MYL2: variants seen among roughly 807,000 people sequenced by gnomAD.
MYL2 encodes myosin light chain 2, also known as myosin regulatory light chain 2, ventricular/cardiac muscle isoform.
A neutral mutation model predicts 23.0 loss-of-function variants in MYL2; 19 were observed. That is an observed-to-expected ratio of 0.83 (90% confidence interval 0.58 to 1.21). The LOEUF (loss-of-function observed/expected upper bound fraction) is 1.21, where lower values mean the gene tolerates loss of function less well. Among genes scored for constraint, MYL2 ranks in the 50% most tolerant of loss-of-function variants. The pLI is 0.00. For missense variants in MYL2, 180 were observed against 215.1 expected (o/e 0.84, Z 1.02); for synonymous variants, 78 against 76.2 (o/e 1.02, Z -0.13).
intron 2 of MYL2, 105 bp from the exon 3 acceptor site, chr12:110,915,895 G>A: frequency 1.1e-6 from 1 of 892,814 alleles, no homozygotes; most frequent in Non-Finnish European, 1.9e-6. Context: ...GATCTTCAAA[G>A]ATCATTGTAG....
At position 110,918,706 on chromosome 12, in the gene MYL2, A is replaced by C. The variant is rs943867855; in HGVS notation, c.93+398T>G. 5.9e-6 allele frequency: 1 copy of C among 168,232 alleles called. No individual in the cohort carries two copies. The highest frequency in any genetic ancestry group is 2.4e-5 in the African/African-American group (1 of 41,700). 10.4% of individuals were successfully genotyped at this position (168,232 alleles called of 1,614,324 possible). A position where few individuals can be genotyped will look rare whatever the true frequency, so the allele number is the denominator to read the frequency against. ...ATGTTAATGGTGAATTTCTCAACGA[A>C]AAAAATGCAGGTGTAATCAGTGGGC... On this transcript the variant is annotated intron_variant, in intron 2 of 6. Transcript: ENST00000228841. The surrounding 1 kb of genome is among the most constrained non-coding windows in gnomAD (Gnocchi z 4.4).
At chr12:110,920,097 G>A (rs1325652136) in intron 1 of MYL2, among the ~76,000 whole-genome samples, 1 of 152,110 alleles carries the variant, frequency 6.6e-6, no homozygotes, top group East Asian at 1.9e-4. Context: ...ACTTCAGGAG[G>A]GGGACACCTA....
chr12:110,916,802 G>A (rs1194777902), intron 2 of MYL2, among the ~76,000 whole-genome samples: 2 of 152,070 alleles, frequency 1.3e-5, no homozygotes, highest in African/African-American at 4.8e-5. Context: ...CACTTCAAGG[G>A]TGAATTTTAT....
At chr12:110,911,888 ATAGC>A (rs1218520522) in intron 6 of MYL2, among the ~76,000 whole-genome samples, 10 of 152,238 alleles carry the variant, frequency 6.6e-5, no homozygotes, top group African/African-American at 2.4e-4. Context: ...CTGGCTATTC[ATAGC>A]TAGCACTTAT....
At chr12:110,917,741 G>A (rs2071696521) in intron 2 of MYL2, among the ~76,000 whole-genome samples, 1 of 152,088 alleles carries the variant, frequency 6.6e-6, no homozygotes, top group Non-Finnish European at 1.5e-5. Context: ...CAAAAGGTAC[G>A]ACTGTTCATT....
At chr12:110,912,285 C>T (rs971773042) in intron 6 of MYL2, among the ~76,000 whole-genome samples, 7 of 151,824 alleles carry the variant, frequency 4.6e-5, no homozygotes, top group Non-Finnish European at 1.0e-4. Flanking sequence ...CTCACTACCG[C>T]ACCACCTGAG....
Position 110,913,194 on chromosome 12 carries a change from G to A in MYL2, c.354-50C>T, listed in dbSNP as rs779323832. ...TGGTGTCAGTTGTGTGTGTGTAGGG[G>A]GGACAGGGGGCAAGCAGGGAACCCC... On this transcript the variant is annotated intron_variant, in intron 5 of 6. Transcript: ENST00000228841. 4 of 1,610,218 alleles carry A rather than the reference G, an allele frequency of 2.5e-6. No individual in the cohort carries two copies. In the South Asian group the frequency reaches 3.3e-5, roughly 13 times the overall value.
At chr12:110,911,232 G>T (rs1326556838) in intron 6 of MYL2, 57 bp from the exon 7 acceptor site, 2 of 766,256 alleles carry the variant, frequency 2.6e-6, no homozygotes, top group African/African-American at 1.8e-5. Context: ...GAGACGGAGG[G>T]TGGGGGGCTG....
upstream of MYL2, chr12:110,920,688 CA>C: frequency 9.9e-7 from 1 of 1,008,066 alleles, no homozygotes; most frequent in Non-Finnish European, 1.5e-6. Context: ...AAGGCCCCCC[CA>C]CCCCATGCCG....
intron 6 of MYL2, among the ~76,000 whole-genome samples, chr12:110,911,471 C>T (rs1323599911): frequency 1.3e-5 from 2 of 152,208 alleles, no homozygotes; most frequent in Admixed American, 1.3e-4. Flanking sequence ...GAATAAGCTC[C>T]CTCCCTGGGT....
At chr12:110,911,312 C>T (rs912498817) in intron 6 of MYL2, 137 bp from the exon 7 acceptor site, 10 of 674,696 alleles carry the variant, frequency 1.5e-5, no homozygotes, top group Non-Finnish European at 2.3e-5. Flanking sequence ...AGAGGGTCCT[C>T]CGGGGAAGGA....
At chr12:110,913,036 GCC>G in intron 6 of MYL2, 58 bp downstream of exon 6, 2 of 1,577,194 alleles carry the variant, frequency 1.3e-6, no homozygotes, top group Non-Finnish European at 1.7e-6. Context: ...GGGAGACGGA[GCC>G]CCCCAGAAGG....
upstream of MYL2, chr12:110,920,834 C>A: frequency 3.7e-6 from 2 of 537,220 alleles, no homozygotes; most frequent in Non-Finnish European, 6.7e-6. Flanking sequence ...GGTGCTTGGG[C>A]CGGGGACACT....
intron 3 of MYL2, 39 bp downstream of exon 3, chr12:110,915,676 T>C (rs773525799): frequency 2.5e-6 from 4 of 1,593,936 alleles, no homozygotes; most frequent in Admixed American, 1.7e-5. Context: ...GGATGTGAGA[T>C]AAAGAGACCC....
At chr12:110,920,441 T>G in intron 1 of MYL2, 86 bp downstream of exon 1, 1 of 1,590,990 alleles carries the variant, frequency 6.3e-7, no homozygotes, top group East Asian at 2.2e-5. Flanking sequence ...GCCGCCTTCC[T>G]CCCCCTCCGC....
In MYL2 at chr12:110,918,148, C is replaced by A. The variant is rs1331764609; in HGVS notation, c.93+956G>T. Among the ~76,000 whole-genome samples, 2 of 152,096 alleles carry A rather than the reference C, an allele frequency of 1.3e-5. No individual in the cohort carries two copies. Among genetic ancestry groups the A allele is most frequent in the East Asian group, 3.9e-4 (2 of 5,184 alleles). On this transcript the variant is annotated intron_variant, in intron 2 of 6. Transcript: ENST00000228841. The surrounding 1 kb of genome is among the most constrained non-coding windows in gnomAD (Gnocchi z 4.4). ...TTTTAGCATAGTTCCCTCTGGAAAG[C>A]CAGGTGGGAATGTGGATGAGTCAGT...
chr12:110,910,905 C>A lies in MYL2; in HGVS notation c.*172G>T. 1.5e-6 allele frequency: 1 copy of A among 658,912 alleles called. No homozygotes were observed. Among genetic ancestry groups the A allele is most frequent in the Admixed American group, 2.2e-5 (1 of 45,970 alleles). 40.8% of individuals were successfully genotyped at this position (658,912 alleles called of 1,614,324 possible). ...GATGGATTTCCAACTGTAGGATGTGCGGCCACGAAGTACCCATAGCCACCC... is the reference window on the plus strand; with the variant it reads ...GATGGATTTCCAACTGTAGGATGTGAGGCCACGAAGTACCCATAGCCACCC... On this transcript the variant is annotated 3_prime_UTR_variant, in exon 7 of 7. Transcript: ENST00000228841.
chr12:110,916,334 TC>T (rs1261281621), intron 2 of MYL2, among the ~76,000 whole-genome samples: 2 of 152,180 alleles, frequency 1.3e-5, no homozygotes, highest in African/African-American at 4.8e-5. Context: ...AGACTCCATC[TC>T]GGAAAACAAA....
Position 110,910,884 on chromosome 12 carries a change from G to T in MYL2, c.*193C>A. 1 of 628,732 alleles carries T rather than the reference G, an allele frequency of 1.6e-6. No homozygotes were observed. The highest frequency in any genetic ancestry group is 2.9e-6 in the Non-Finnish European group (1 of 346,572). 38.9% of individuals were successfully genotyped at this position (628,732 alleles called of 1,614,324 possible). ...TTTATTGGAACATGGCCTCTGGATG[G>T]ATTTCCAACTGTAGGATGTGCGGCC... On this transcript the variant is annotated 3_prime_UTR_variant, in exon 7 of 7. Transcript: ENST00000228841.
Sources: gnomAD v4.1 joint callset for allele counts (sites outside exome capture counted in the v4.1 genomes callset) on GRCh38, gnomAD v4.1.1 for gene constraint, Gnocchi (gnomAD v3.1) non-coding constraint, MANE v1.5 for transcripts, NCBI Gene and HGNC (gene_info 2026-07-23, HGNC 2026-07-21) for gene names.